Variants in ADAM12 observed in about 807,000 individuals in gnomAD.
The protein encoded by ADAM12 is ADAM metallopeptidase domain 12.
Under a neutral mutation model 106.4 loss-of-function variants are expected in ADAM12, and 70 were observed. The observed-to-expected ratio is 0.66, with a 90% confidence interval of 0.54 to 0.80. ADAM12 has a LOEUF of 0.80. ADAM12 is among the 30% of genes least tolerant of loss of function. The pLI is 0.00. For missense variants in ADAM12, 1,010 were observed against 1,171.9 expected (o/e 0.86, Z 2.02); for synonymous variants, 420 against 433.5 (o/e 0.97, Z 0.39).
At chr10:126,224,879 C>G (rs1353312684) in intron 3 of ADAM12, among the ~76,000 whole-genome samples, 2 of 152,210 alleles carry the variant, frequency 1.3e-5, no homozygotes, top group African/African-American at 4.8e-5. Context: ...CAGCAGGAGA[C>G]GAGGGAGCAA....
At chr10:126,318,533 C>A (rs1853970470) in intron 2 of ADAM12, among the ~76,000 whole-genome samples, 1 of 150,518 alleles carries the variant, frequency 6.6e-6, no homozygotes, top group African/African-American at 2.4e-5. Flanking sequence ...CTAACACACA[C>A]TTTCACACAC....
Position 126,199,042 on chromosome 10 carries a change from T to C in ADAM12, c.261-43737A>G, listed in dbSNP as rs921247860. Among the ~76,000 whole-genome samples the C allele has an allele frequency of 6.6e-5, 10 of 152,292 alleles. No homozygotes were observed. The East Asian group carries it at 1.2e-3, about 18-fold the overall frequency. On this transcript the variant is annotated intron_variant, in intron 3 of 22. Coordinates refer to ENST00000448723, the MANE Select transcript of ADAM12 (RefSeq NM_001288973.2). ...TTCTTTCAGGGCATCTGTGTCTTTTTATGGTGAGCTTTGTGCTTTTGGGGC... is the reference window on the plus strand; with the variant it reads ...TTCTTTCAGGGCATCTGTGTCTTTTCATGGTGAGCTTTGTGCTTTTGGGGC...
chr10:126,365,895 C>T (rs979837658), intron 1 of ADAM12, among the ~76,000 whole-genome samples: 1 of 152,148 alleles, frequency 6.6e-6, no homozygotes, highest in Non-Finnish European at 1.5e-5. Flanking sequence ...CTTAAATCAC[C>T]TGCTTTTCAA....
At chr10:126,041,439 A>G in intron 18 of ADAM12, 5 of 985,686 alleles carry the variant, frequency 5.1e-6, no homozygotes, top group Non-Finnish European at 6.0e-6. Context: ...TACTTGTTAA[A>G]TGAAGGGTTG....
At chr10:126,215,463 C>A (rs949866661) in intron 3 of ADAM12, among the ~76,000 whole-genome samples, 6 of 152,072 alleles carry the variant, frequency 3.9e-5, no homozygotes, top group African/African-American at 9.7e-5. Context: ...AGCTCAGGGC[C>A]CCCCCGAAAT....
At chr10:126,112,162 G>T (rs1048147003) in intron 6 of ADAM12, among the ~76,000 whole-genome samples, 2 of 151,968 alleles carry the variant, frequency 1.3e-5, no homozygotes, top group African/African-American at 4.8e-5. Flanking sequence ...AACCAAGTGG[G>T]AGTTGAACAA....
chr10:126,061,355 T>C (rs1285945186), intron 14 of ADAM12, among the ~76,000 whole-genome samples: 1 of 152,222 alleles, frequency 6.6e-6, no homozygotes, highest in Non-Finnish European at 1.5e-5. Context: ...TAGATCACTA[T>C]CCTTATTTTA....
chr10:126,220,383 C>T (rs573929987), intron 3 of ADAM12, among the ~76,000 whole-genome samples: 1 of 152,128 alleles, frequency 6.6e-6, no homozygotes, highest in African/African-American at 2.4e-5. Context: ...GGCTTATTAG[C>T]CCTCACCCTT....
chr10:126,294,890 G>A (rs541530718), intron 2 of ADAM12, among the ~76,000 whole-genome samples: 1 of 134,522 alleles, frequency 7.4e-6, no homozygotes, highest in East Asian at 2.1e-4. Context: ...AAACAAAATT[G>A]TGTGTAGATG....
chr10:126,038,208 T>C, intron 20 of ADAM12, 33 bp downstream of exon 20: 1 of 1,545,632 alleles, frequency 6.5e-7, no homozygotes, highest in Non-Finnish European at 8.9e-7. Flanking sequence ...TCTGCATGTG[T>C]GCCCTGAGCA....
At chr10:126,249,230 C>T (rs1565166419) in intron 3 of ADAM12, among the ~76,000 whole-genome samples, 1 of 152,144 alleles carries the variant, frequency 6.6e-6, no homozygotes, top group Non-Finnish European at 1.5e-5. Flanking sequence ...TCAATTTCCC[C>T]TACTAAAATG....
intron 3 of ADAM12, among the ~76,000 whole-genome samples, chr10:126,231,118 C>T (rs993427576): frequency 7.9e-5 from 12 of 152,052 alleles, no homozygotes; most frequent in Non-Finnish European, 8.8e-5. Context: ...CTTTTGCCTG[C>T]CATATACTGT....
intron 3 of ADAM12, among the ~76,000 whole-genome samples, chr10:126,212,179 G>T (rs1327708338): frequency 6.6e-6 from 1 of 152,118 alleles, no homozygotes; most frequent in Non-Finnish European, 1.5e-5. Flanking sequence ...TTCCAAATGA[G>T]GATTTTCTCC....
At chr10:126,127,034 G>T (rs997555662) in intron 5 of ADAM12, among the ~76,000 whole-genome samples, 1 of 152,210 alleles carries the variant, frequency 6.6e-6, no homozygotes, top group Non-Finnish European at 1.5e-5. Flanking sequence ...ACCGTGGCTG[G>T]TGGCCAGTGG....
At chr10:126,292,160 C>T (rs1345957811) in intron 2 of ADAM12, among the ~76,000 whole-genome samples, 3 of 152,138 alleles carry the variant, frequency 2.0e-5, no homozygotes, top group Non-Finnish European at 4.4e-5. Context: ...CAGATCTCTC[C>T]CTGGCAACTC....
At chr10:126,154,302 T>A (rs1469970596) in intron 4 of ADAM12, among the ~76,000 whole-genome samples, 1 of 152,224 alleles carries the variant, frequency 6.6e-6, no homozygotes, top group African/African-American at 2.4e-5. Flanking sequence ...AATTCTTAAA[T>A]GTTTATATTT....
chr10:126,132,527 C>CG (rs1491132656), intron 5 of ADAM12, among the ~76,000 whole-genome samples: 1 of 119,574 alleles, frequency 8.4e-6, no homozygotes, highest in African/African-American at 4.1e-5. Context: ...CATGAACACC[C>CG]CCCCCCCCTC....
At chr10:126,224,106 G>C (rs1958147620) in intron 3 of ADAM12, among the ~76,000 whole-genome samples, 1 of 152,064 alleles carries the variant, frequency 6.6e-6, no homozygotes. Context: ...GGCCTGGGGA[G>C]AGATGCGGGA....
chr10:126,163,611 T>G (rs1956974906), intron 3 of ADAM12, among the ~76,000 whole-genome samples: 1 of 152,204 alleles, frequency 6.6e-6, no homozygotes, highest in African/African-American at 2.4e-5. Flanking sequence ...ACAGTTTGAA[T>G]GAGATGGATT....
Sources: gnomAD v4.1 joint callset for allele counts (sites outside exome capture counted in the v4.1 genomes callset) on GRCh38, gnomAD v4.1.1 for gene constraint, MANE v1.5 for transcripts, NCBI Gene and HGNC (gene_info 2026-07-23, HGNC 2026-07-21) for gene names.